Variants in PLD3 observed in about 807,000 individuals in gnomAD.
PLD3 encodes the protein 5'-3' exonuclease PLD3.
Under a neutral mutation model 58.4 loss-of-function variants are expected in PLD3, and 31 were observed. That is an observed-to-expected ratio of 0.53 (90% CI 0.40 to 0.72). The LOEUF (loss-of-function observed/expected upper bound fraction) is 0.72, where lower values mean the gene tolerates loss of function less well. PLD3 is among the 30% of genes least tolerant of loss of function. The probability of loss-of-function intolerance (pLI) is 0.00; values close to 1 mark genes in which losing one functional copy is unlikely to be tolerated. For synonymous variants in PLD3, 264 were observed against 273.4 expected, an observed-to-expected ratio of 0.97 and a Z score of 0.34; for missense variants, 595 against 659.8, an observed-to-expected ratio of 0.90 and a Z score of 1.08.
At chr19:40,373,849 T>C (rs970984702) in intron 9 of PLD3, among the ~76,000 whole-genome samples, 1 of 150,946 alleles carries the variant, frequency 6.6e-6, no homozygotes, top group Non-Finnish European at 1.5e-5. Flanking sequence ...ATTAGCTGGC[T>C]ATGGTGATGT....
intron 1 of PLD3, among the ~76,000 whole-genome samples, chr19:40,350,299 C>A (rs932106577): frequency 4.7e-5 from 7 of 148,904 alleles, no homozygotes; most frequent in Non-Finnish European, 1.0e-4. Flanking sequence ...TGATCTTGGG[C>A]AACTAACTTA....
rs139280727 is a variant in PLD3, at chr19:40,352,572, C to T, written c.-279+3804C>T. ...TTTCTCTTTATACCTGTGACTTCAC[C>T]TCTCTGGATCCTTAATTCCCTAAGT... On this transcript the variant is annotated intron_variant, in intron 1 of 12. Transcript: ENST00000409735. Among the ~76,000 whole-genome samples, 65 of 152,224 alleles carry T rather than the reference C, an allele frequency of 4.3e-4. 1 individual carries two copies. Among genetic ancestry groups the T allele is most frequent in the African/African-American group, 1.5e-3 (61 of 41,534 alleles).
Position 40,366,896 on chromosome 19 carries a change from C to T in PLD3, c.226C>T (p.Pro76Ser). ...HLFGPNQRPAPCYDPCEAVLV... is the reference protein window; with the variant it reads ...HLFGPNQRPASCYDPCEAVLV... ...CTTTGGGCCCAACCAGCGCCCAGCC[C>T]CCTGCTATGACCCTTGCGAGTAAGT... Residue 76 changes from proline to serine, a missense_variant, in exon 5 of 13, where the codon CCC becomes TCC. Pro to Ser is a moderately conservative substitution (Grantham distance 74). Transcript: ENST00000409735. The T allele has an allele frequency of 1.2e-6, 2 of 1,610,480 alleles. No individual in the cohort carries two copies. Among genetic ancestry groups the T allele is most frequent in the Non-Finnish European group, 1.7e-6 (2 of 1,178,098 alleles).
intron 9 of PLD3, among the ~76,000 whole-genome samples, chr19:40,373,392 C>T (rs963040321): frequency 7.2e-5 from 11 of 151,848 alleles, no homozygotes; most frequent in Non-Finnish European, 1.6e-4. Context: ...GCCTGGGAAA[C>T]GTGATGAAAC....
Position 40,374,634 on chromosome 19 carries a change from T to C in PLD3, c.1019+14T>C. The C allele has an allele frequency of 6.2e-7, 1 of 1,613,442 alleles. No individual in the cohort carries two copies. On this transcript the variant is annotated intron_variant, in intron 10 of 12. Transcript: ENST00000409735. ...CCACCCTCACAGGTACTGCTGGGTGTGGAGATAGGGAGCCGCTGCAGTTGG... is the reference window on the plus strand; with the variant it reads ...CCACCCTCACAGGTACTGCTGGGTGCGGAGATAGGGAGCCGCTGCAGTTGG...
Position 40,375,170 on chromosome 19 carries a change from C to CA in PLD3, c.1019+559dup, listed in dbSNP as rs200564821. Among the ~76,000 whole-genome samples the CA allele has an allele frequency of 1.6e-3, 236 of 147,514 alleles. No individual in the cohort carries two copies. The East Asian group carries it at 0.022, about 14-fold the overall frequency. On this transcript the variant is annotated intron_variant, in intron 10 of 12. Transcript: ENST00000409735. ...GCAAGACTCTGTCTCAAAAAAACAACAAAAAAAAAGAGAAGGCTCAGAATA... is the reference window on the plus strand; with the variant it reads ...GCAAGACTCTGTCTCAAAAAAACAACAAAAAAAAAAGAGAAGGCTCAGAATA...
chr19:40,375,325 C>T (rs2079167435), intron 10 of PLD3, among the ~76,000 whole-genome samples: 1 of 151,352 alleles, frequency 6.6e-6, no homozygotes, highest in South Asian at 2.1e-4. Context: ...TTTAGGGTAG[C>T]AAGCTTGGGG....
At chr19:40,368,737 C>A (rs1045205056) in intron 6 of PLD3, among the ~76,000 whole-genome samples, 9 of 151,840 alleles carry the variant, frequency 5.9e-5, no homozygotes, top group Admixed American at 3.3e-4. Flanking sequence ...ACCCGCCCCC[C>A]ACCTCCCCTC....
intron 1 of PLD3, among the ~76,000 whole-genome samples, chr19:40,363,657 C>T (rs2145679718): frequency 6.6e-6 from 1 of 152,164 alleles, no homozygotes; most frequent in East Asian, 1.9e-4. Context: ...TCTTGAACTC[C>T]TAACCTCAGG....
chr19:40,377,243 TTGGGAC>T, intron 11 of PLD3, among the ~76,000 whole-genome samples: 1 of 46,796 alleles, frequency 2.1e-5, no homozygotes, highest in Non-Finnish European at 4.4e-5. Context: ...GAGAGAGGGT[TTGGGAC>T]CAGGACTGGG....
At chr19:40,354,069 CTTTTTTTTTT>C (rs36125021) in intron 1 of PLD3, among the ~76,000 whole-genome samples, 1 of 78,256 alleles carries the variant, frequency 1.3e-5, no homozygotes. Context: ...ATTTTTTAGC[CTTTTTTTTTT>C]TTTTTTTTTT....
intron 1 of PLD3, among the ~76,000 whole-genome samples, chr19:40,362,180 A>ACT (rs2078804158): frequency 6.6e-6 from 1 of 152,112 alleles, no homozygotes; most frequent in African/African-American, 2.4e-5. Flanking sequence ...CTGTATCCCC[A>ACT]GTGCCTAAAA....
intron 1 of PLD3, among the ~76,000 whole-genome samples, chr19:40,361,460 C>A (rs1363383953): frequency 6.6e-5 from 10 of 152,206 alleles, no homozygotes; most frequent in Non-Finnish European, 1.2e-4. Flanking sequence ...TCATCCTTCC[C>A]TGCTGGGAAC....
rs1292951534 is a variant in PLD3 at position 40,366,782 on chromosome 19, T to C, written c.112T>C (p.Trp38Arg). Residue 38 changes from tryptophan (W) to arginine (R), a missense_variant, in exon 5 of 13, where the codon TGG becomes CGG. Transcript: ENST00000409735. ...AWKAAEKKAR[W>R]VLLVLILAVV... ...CTCCTCCTCCCCACAGAAAGCCCGC[T>C]GGGTCCTGCTGGTCCTCATTCTGGC... 31 of 1,613,794 alleles carry C rather than the reference T, an allele frequency of 1.9e-5. No homozygotes were observed. Among genetic ancestry groups the C allele is most frequent in the Non-Finnish European group, 2.6e-5 (31 of 1,179,892 alleles).
At chr19:40,363,662 C>T (rs572461013) in intron 1 of PLD3, among the ~76,000 whole-genome samples, 1 of 152,252 alleles carries the variant, frequency 6.6e-6, no homozygotes, top group South Asian at 2.1e-4. Context: ...AACTCCTAAC[C>T]TCAGGTGATC....
chr19:40,366,980 A>G (rs564220515), intron 5 of PLD3, 65 bp downstream of exon 5: 240 of 1,513,992 alleles, frequency 1.6e-4, no homozygotes, highest in Non-Finnish European at 2.1e-4. Context: ...TTAAGCACAC[A>G]CTAAACAGGG....
At position 40,366,887 on chromosome 19, in the gene PLD3, C is replaced by T. The variant is rs746530607; in HGVS notation, c.217C>T (p.Arg73Cys). ...CTTGCATCTCTTTGGGCCCAACCAG[C>T]GCCCAGCCCCCTGCTATGACCCTTG... is the stretch of plus-strand genomic sequence containing the variant. ...GDLHLFGPNQ[R>C]PAPCYDPCEA... is the part of the protein sequence containing the mutation. The change falls in exon 5 of 13, where the codon CGC becomes TGC. Residue 73 changes from arginine (R) to cysteine (C), a missense_variant. Physicochemically the swap from Arg to Cys is radical, Grantham distance 180. Coordinates refer to ENST00000409735, the MANE Select transcript of PLD3 (RefSeq NM_012268.4). The T allele has an allele frequency of 2.5e-6, 4 of 1,611,986 alleles. No individual in the cohort carries two copies. The highest frequency in any genetic ancestry group is 1.7e-5 in the Admixed American group (1 of 59,796).
rs747119463 is a variant in PLD3, at chr19:40,367,692, C to T, written c.246-4C>T. The T allele has an allele frequency of 2.5e-6, 4 of 1,604,414 alleles. No individual in the cohort carries two copies. The African/African-American group carries it at 4.0e-5, about 16-fold the overall frequency. ...TATGGCTGATAGCATCCCCCACCCC[C>T]CAGAGCAGTGCTGGTGGAAAGCATT... On this transcript the variant is annotated splice_polypyrimidine_tract_variant and splice_region_variant and intron_variant, in intron 5 of 12. Transcript: ENST00000409735.
At position 40,366,589 on chromosome 19, in the gene PLD3, CGTT is replaced by C. The variant is rs1325516983; in HGVS notation, c.28-15_28-13del. On this transcript the variant is annotated intron_variant, in intron 3 of 12. Transcript: ENST00000409735. ...GTTCCCAAGAGCCACCTGTCACCCCCGTTGTTGTCCCCATCCCCAGCTGAAGGT... is the reference window on the plus strand; with the variant it reads ...GTTCCCAAGAGCCACCTGTCACCCCCGTTGTCCCCATCCCCAGCTGAAGGT... 6.3e-7 allele frequency: 1 copy of C among 1,579,220 alleles called. No individual in the cohort carries two copies. Among genetic ancestry groups the C allele is most frequent in the African/African-American group, 1.3e-5 (1 of 74,336 alleles).
Sources: gnomAD v4.1 joint callset for allele counts (sites outside exome capture counted in the v4.1 genomes callset) on GRCh38, gnomAD v4.1.1 for gene constraint, MANE v1.5 for transcripts, NCBI Gene and HGNC (gene_info 2026-07-23, HGNC 2026-07-21) for gene names.